The following DOCK2 variants were observed in gnomAD, a reference collection of about 807,000 sequenced individuals.
DOCK2 encodes the protein dedicator of cytokinesis 2, also known as dedicator of cytokinesis protein 2.
A neutral mutation model predicts 248.9 loss-of-function variants in DOCK2; 87 were observed. The ratio of observed to expected loss-of-function variants is 0.35; its 90% CI spans 0.29 to 0.42. The LOEUF is 0.42. Ranked by LOEUF, DOCK2 falls within the 10% of genes least tolerant of loss-of-function variation. The pLI, the probability that DOCK2 is intolerant of heterozygous loss-of-function variation, is 1.00. For missense variants in DOCK2, 1,747 were observed against 2,300.2 expected (o/e 0.76, Z 4.92); for synonymous variants, 805 against 821.6 (o/e 0.98, Z 0.35).
intron 23 of DOCK2, among the ~76,000 whole-genome samples, chr5:169,758,548 A>G (rs1581148878): frequency 6.6e-6 from 1 of 152,354 alleles, no homozygotes; most frequent in East Asian, 1.9e-4. Context: ...TATTTGAGTA[A>G]GGTGACCATG....
In DOCK2 at chr5:170,077,727, G is replaced by T. The variant is rs1441073421; in HGVS notation, c.4884G>T (p.Arg1628Ser). The part of the protein sequence containing the change: ...GVREMPDFDD[R>S]RVGRPRSMLR... ...CACCACAGCCTGACTTTGACGACAG[G>T]AGAGTGGGCCGTCCCAGGTCTATGC... Residue 1628 changes from arginine to serine, a missense_variant, in exon 48 of 52, where the codon AGG becomes AGT. Arg to Ser is a moderately radical substitution (Grantham distance 110). Transcript: ENST00000520908. 1 of 1,613,686 alleles carries T rather than the reference G, an allele frequency of 6.2e-7. No homozygotes were observed. Among genetic ancestry groups the T allele is most frequent in the African/African-American group, 1.3e-5 (1 of 74,860 alleles).
intron 14 of DOCK2, among the ~76,000 whole-genome samples, chr5:169,702,859 G>A (rs2113477717): frequency 6.6e-6 from 1 of 152,236 alleles, no homozygotes; most frequent in Middle Eastern, 3.4e-3. Flanking sequence ...CTCAGGATGT[G>A]CTTAAAGCAG....
chr5:170,056,988 T>A, intron 43 of DOCK2: 1 of 515,864 alleles, frequency 1.9e-6, no homozygotes, highest in Non-Finnish European at 3.4e-6. Flanking sequence ...CCAGGCCTCA[T>A]GTCAGAGGCA....
At chr5:169,702,700 T>TG (rs397690721) in intron 14 of DOCK2, 3,858 of 114,136 alleles carry the variant, frequency 0.034, 156 homozygotes, top group African/African-American at 0.15. Flanking sequence ...TATGTATGTA[T>TG]TTATTTATTT....
chr5:169,776,726 C>T lies in DOCK2; in HGVS notation c.2554+15101C>T, dbSNP rs551427268. 1.3e-3 allele frequency among the ~76,000 whole-genome samples: 192 copies of T among 152,310 alleles called. 1 individual carries two copies. Among genetic ancestry groups the T allele is most frequent in the African/African-American group, 4.3e-3 (179 of 41,570 alleles). On this transcript the variant is annotated intron_variant, in intron 25 of 51. Coordinates refer to ENST00000520908, the MANE Select transcript of DOCK2 (RefSeq NM_004946.3). Reference sequence around the variant, plus strand: ...GCAGCAGTTTTCCCCATGCTGTTCTCATGAGATCTGATAGTTTTATAAGAG... The same window carrying T: ...GCAGCAGTTTTCCCCATGCTGTTCTTATGAGATCTGATAGTTTTATAAGAG...
At chr5:169,711,498 C>T (rs190691549) in intron 15 of DOCK2, among the ~76,000 whole-genome samples, 1 of 152,306 alleles carries the variant, frequency 6.6e-6, no homozygotes, top group Non-Finnish European at 1.5e-5. Context: ...TATTAATTTG[C>T]ATAAATGAGA....
intron 22 of DOCK2, among the ~76,000 whole-genome samples, chr5:169,745,560 G>A (rs1361336152): frequency 1.3e-5 from 2 of 152,214 alleles, no homozygotes; most frequent in Non-Finnish European, 2.9e-5. Flanking sequence ...CTGAGAGGCT[G>A]GGCTCAGGAG....
chr5:169,939,183 C>T (rs1169014100), intron 27 of DOCK2, among the ~76,000 whole-genome samples: 4 of 151,074 alleles, frequency 2.6e-5, no homozygotes, highest in South Asian at 2.1e-4. Flanking sequence ...GGATTACAGG[C>T]GTGAGCCACT....
At chr5:170,066,473 C>T (rs1757499173) in intron 44 of DOCK2, among the ~76,000 whole-genome samples, 1 of 152,244 alleles carries the variant, frequency 6.6e-6, no homozygotes, top group South Asian at 2.1e-4. Context: ...AACTTTTCAA[C>T]ATTGGACTGA....
At chr5:169,742,834 G>C (rs996903133) in intron 22 of DOCK2, among the ~76,000 whole-genome samples, 2 of 152,148 alleles carry the variant, frequency 1.3e-5, no homozygotes, top group Non-Finnish European at 2.9e-5. Flanking sequence ...GCCGAGCATC[G>C]CTATATTTAT....
At chr5:169,816,581 CAG>C (rs1177003688) in intron 26 of DOCK2, among the ~76,000 whole-genome samples, 2 of 152,190 alleles carry the variant, frequency 1.3e-5, no homozygotes, top group Non-Finnish European at 2.9e-5. Flanking sequence ...CTAGCACAGC[CAG>C]ACTCTCACTC....
chr5:169,759,852 G>A, intron 24 of DOCK2, 77 bp downstream of exon 24: 3 of 1,551,094 alleles, frequency 1.9e-6, no homozygotes, highest in Non-Finnish European at 2.7e-6. Context: ...CTCTTATGGG[G>A]AGCTCCAGAT....
At chr5:169,850,936 A>C (rs982016136) in intron 27 of DOCK2, among the ~76,000 whole-genome samples, 6 of 151,736 alleles carry the variant, frequency 4.0e-5, no homozygotes, top group African/African-American at 1.5e-4. Context: ...AGTCTGCGAA[A>C]CTCTCGTCAT....
intron 26 of DOCK2, among the ~76,000 whole-genome samples, chr5:169,809,235 C>A (rs1767590060): frequency 6.6e-6 from 1 of 152,162 alleles, no homozygotes; most frequent in Non-Finnish European, 1.5e-5. Flanking sequence ...AAGTGATCTG[C>A]CCACCTCCAC....
chr5:170,017,754 T>C (rs1368950187), intron 32 of DOCK2, among the ~76,000 whole-genome samples: 1 of 152,192 alleles, frequency 6.6e-6, no homozygotes. Flanking sequence ...CTGTAATTGA[T>C]AGTGGAGTCA....
intron 41 of DOCK2, among the ~76,000 whole-genome samples, chr5:170,051,457 T>A (rs1756912144): frequency 6.6e-6 from 1 of 152,180 alleles, no homozygotes; most frequent in Admixed American, 6.5e-5. Context: ...CTTCCTCAGC[T>A]CCTTACATGA....
intron 23 of DOCK2, among the ~76,000 whole-genome samples, chr5:169,753,560 G>A (rs539501101): frequency 6.6e-6 from 1 of 152,214 alleles, no homozygotes; most frequent in Non-Finnish European, 1.5e-5. Context: ...CTGAAAATTA[G>A]TATATCTTGG....
chr5:169,697,283 T>C (rs1009945983), intron 10 of DOCK2, among the ~76,000 whole-genome samples: 5 of 152,172 alleles, frequency 3.3e-5, no homozygotes, highest in African/African-American at 1.2e-4. Context: ...GTCTCTTTCT[T>C]GCTCAGCCCC....
At chr5:169,696,225 G>C (rs1760617559) in intron 10 of DOCK2, among the ~76,000 whole-genome samples, 1 of 152,094 alleles carries the variant, frequency 6.6e-6, no homozygotes, top group South Asian at 2.1e-4. Flanking sequence ...CCAGCTCTGT[G>C]AAAAAGGAAA....
Sources: gnomAD v4.1 joint callset for allele counts (sites outside exome capture counted in the v4.1 genomes callset) on GRCh38, gnomAD v4.1.1 for gene constraint, MANE v1.5 for transcripts, NCBI Gene and HGNC (gene_info 2026-07-23, HGNC 2026-07-21) for gene names.